Variants in LARGE1 observed in about 807,000 individuals in gnomAD.
LARGE1 encodes the protein LARGE xylosyl- and glucuronyltransferase 1, also known as xylosyl- and glucuronyltransferase LARGE1.
LARGE1 carries 43 observed loss-of-function variants against 87.6 expected under a neutral mutation model. The observed-to-expected ratio is 0.49, with a 90% CI of 0.38 to 0.63. LARGE1 has a LOEUF of 0.63. Ranked by LOEUF, LARGE1 falls within the 30% of genes least tolerant of loss-of-function variation. LARGE1 has a pLI of 0.00. For missense variants in LARGE1, 802 were observed against 1,000.2 expected, an observed-to-expected ratio of 0.80 and a Z score of 2.67; for synonymous variants, 434 against 394.6, an observed-to-expected ratio of 1.10 and a Z score of -1.18.
At chr22:33,719,633 G>GC (rs1216497133) in intron 2 of LARGE1, among the ~76,000 whole-genome samples, 14 of 151,906 alleles carry the variant, frequency 9.2e-5, no homozygotes, top group African/African-American at 3.1e-4. Context: ...CAATTCTCCT[G>GC]CCTCAGCCTC....
At chr22:33,500,197 C>T (rs1379881780) in intron 6 of LARGE1, among the ~76,000 whole-genome samples, 1 of 152,102 alleles carries the variant, frequency 6.6e-6, no homozygotes, top group Non-Finnish European at 1.5e-5. Flanking sequence ...CACATAAAAG[C>T]CTCTCAAAGT....
rs114322084 is a variant in LARGE1, at chr22:33,327,594, C to T, written c.1287+10052G>A. Among the ~76,000 whole-genome samples the T allele has an allele frequency of 4.5e-3, 691 of 152,292 alleles. 6 individuals are homozygous for T. The highest frequency in any genetic ancestry group is 0.016 in the African/African-American group (664 of 41,552). ...CTAGGGCCACGGGGTCTTGCTCTGT[C>T]GCTCAGGCTAGAGTGTGGTGGTGCC... On this transcript the variant is annotated intron_variant, in intron 10 of 14. Coordinates refer to ENST00000397394, the MANE Select transcript of LARGE1 (RefSeq NM_133642.5).
chr22:33,915,482 C>G (rs555428581), intron 1 of LARGE1, among the ~76,000 whole-genome samples: 26 of 152,090 alleles, frequency 1.7e-4, no homozygotes, highest in African/African-American at 6.3e-4. Flanking sequence ...ATTTTTCCCA[C>G]TGCTGCATAA....
At chr22:33,561,263 C>T (rs1033082266) in intron 6 of LARGE1, among the ~76,000 whole-genome samples, 2 of 152,142 alleles carry the variant, frequency 1.3e-5, no homozygotes, top group South Asian at 2.1e-4. Flanking sequence ...GTTGAATTTG[C>T]GCCTTCCATT....
chr22:33,407,675 G>A (rs1167414128), intron 7 of LARGE1, among the ~76,000 whole-genome samples: 1 of 60,216 alleles, frequency 1.7e-5, no homozygotes, highest in Non-Finnish European at 3.0e-5. Context: ...AAAGCTAACT[G>A]GTGCAGGCAA....
At chr22:33,577,821 T>A (rs1239954524) in intron 5 of LARGE1, among the ~76,000 whole-genome samples, 1 of 152,230 alleles carries the variant, frequency 6.6e-6, no homozygotes, top group Non-Finnish European at 1.5e-5. Flanking sequence ...GTCCCTTTAT[T>A]AATTTCTGAT....
the LARGE1 span, chr22:33,105,444 C>G: frequency 6.6e-6 from 1 of 152,336 alleles, no homozygotes; most frequent in South Asian, 2.1e-4. Flanking sequence ...CCCACCCGCC[C>G]AGGCTGGCCA....
intron 12 of LARGE1, among the ~76,000 whole-genome samples, chr22:33,294,571 C>T (rs762141494): frequency 2.0e-5 from 3 of 152,194 alleles, no homozygotes; most frequent in Non-Finnish European, 2.9e-5. Flanking sequence ...AAACCGGCCT[C>T]CCCGTACCTC....
At chr22:33,626,194 A>G in intron 4 of LARGE1, 50 bp downstream of exon 4, 1 of 1,492,050 alleles carries the variant, frequency 6.7e-7, no homozygotes, top group Non-Finnish European at 9.4e-7. Context: ...GGAAATACAC[A>G]GGCAGGCAGT....
At chr22:33,188,572 T>C (rs1923610224) in intron 11 of LARGE1, among the ~76,000 whole-genome samples, 1 of 152,034 alleles carries the variant, frequency 6.6e-6, no homozygotes, top group African/African-American at 2.4e-5. Flanking sequence ...ACAACTAAGG[T>C]GGGGGTCACT....
At chr22:33,897,339 TA>T (rs2065171795) in intron 1 of LARGE1, among the ~76,000 whole-genome samples, 1 of 152,190 alleles carries the variant, frequency 6.6e-6, no homozygotes. Flanking sequence ...CTGCAAGCAG[TA>T]AACTCTCATT....
intron 11 of LARGE1, among the ~76,000 whole-genome samples, chr22:33,208,199 A>AT (rs139095600): frequency 0.054 from 8,233 of 152,200 alleles, 743 homozygotes; most frequent in African/African-American, 0.19. Flanking sequence ...AAAGAGAGGA[A>AT]TTAGGGTGAG....
At chr22:33,398,654 C>A (rs1296245753) in intron 7 of LARGE1, among the ~76,000 whole-genome samples, 2 of 152,150 alleles carry the variant, frequency 1.3e-5, no homozygotes, top group Non-Finnish European at 2.9e-5. Flanking sequence ...ACCCCCAATA[C>A]CTATGCATGT....
intron 5 of LARGE1, among the ~76,000 whole-genome samples, chr22:33,583,585 TAAC>T (rs1222489491): frequency 6.6e-6 from 1 of 152,172 alleles, no homozygotes; most frequent in Admixed American, 6.5e-5. Context: ...GAAAGAAATT[TAAC>T]AACGCCTATC....
At chr22:33,595,849 G>A (rs2078962852) in intron 5 of LARGE1, among the ~76,000 whole-genome samples, 1 of 152,182 alleles carries the variant, frequency 6.6e-6, no homozygotes, top group South Asian at 2.1e-4. Context: ...AGGCAGATGA[G>A]GGAACAGACA....
intron 5 of LARGE1, among the ~76,000 whole-genome samples, chr22:33,582,485 G>A (rs1406913279): frequency 2.0e-5 from 3 of 152,048 alleles, no homozygotes; most frequent in African/African-American, 7.2e-5. Context: ...ACATATAAGA[G>A]AATTGAATGA....
intron 2 of LARGE1, among the ~76,000 whole-genome samples, chr22:33,728,510 G>A (rs2083341916): frequency 7.3e-6 from 1 of 136,196 alleles, no homozygotes; most frequent in African/African-American, 2.8e-5. Flanking sequence ...CTGCACTACA[G>A]CCTGGGCAAC....
chr22:33,160,937 T>A (rs1257486450), downstream of LARGE1, among the ~76,000 whole-genome samples: 1 of 152,198 alleles, frequency 6.6e-6, no homozygotes, highest in Non-Finnish European at 1.5e-5. Context: ...TTGGAAAACA[T>A]GTTTTAAAAG....
At chr22:33,366,301 TTTCCAAC>T (rs1358075555) in intron 9 of LARGE1, among the ~76,000 whole-genome samples, 8 of 152,242 alleles carry the variant, frequency 5.3e-5, no homozygotes, top group African/African-American at 1.4e-4. Flanking sequence ...CGCTCTCCTC[TTTCCAAC>T]TAATTGCACG....
Sources: allele counts gnomAD v4.1 joint callset (sites outside exome capture counted in the v4.1 genomes callset), GRCh38; gene constraint gnomAD v4.1.1; transcripts MANE v1.5; gene names NCBI Gene and HGNC (gene_info 2026-07-23, HGNC 2026-07-21).